The following GRXCR1 variants were observed in gnomAD, a reference collection of about 807,000 sequenced individuals.
The protein encoded by GRXCR1 is glutaredoxin domain-containing cysteine-rich protein 1.
In GRXCR1, 27 loss-of-function variants were observed where a neutral mutation model predicts 27.3. The observed-to-expected ratio is 0.99, with a 90% CI of 0.73 to 1.37. The LOEUF (loss-of-function observed/expected upper bound fraction) is 1.37, where lower values mean the gene tolerates loss of function less well. Ranked by LOEUF, GRXCR1 falls within the 40% of genes most tolerant of loss-of-function variation. GRXCR1 has a pLI of 0.00. For synonymous variants in GRXCR1, 122 were observed against 131.1 expected (o/e 0.93, Z 0.47); for missense variants, 379 against 354.4 (o/e 1.07, Z -0.56).
intron 2 of GRXCR1, among the ~76,000 whole-genome samples, chr4:42,968,961 C>G (rs1748315457): frequency 6.6e-6 from 1 of 151,992 alleles, no homozygotes; most frequent in South Asian, 2.1e-4. Flanking sequence ...TAGTGTCTGC[C>G]AAGGTGATCA....
chr4:43,001,649 G>A (rs190663322), intron 2 of GRXCR1, among the ~76,000 whole-genome samples: 5 of 152,234 alleles, frequency 3.3e-5, no homozygotes, highest in African/African-American at 1.2e-4. Flanking sequence ...GGGTGGCCCT[G>A]CCCCTCCACA....
intron 1 of GRXCR1, among the ~76,000 whole-genome samples, chr4:42,897,612 C>A (rs1198541861): frequency 1.3e-5 from 2 of 150,844 alleles, no homozygotes; most frequent in Non-Finnish European, 3.0e-5. Context: ...GTGGAAAAAC[C>A]AGTATGTTTG....
chr4:43,013,122 A>G (rs1374080415), intron 2 of GRXCR1, among the ~76,000 whole-genome samples: 2 of 152,230 alleles, frequency 1.3e-5, no homozygotes, highest in Non-Finnish European at 2.9e-5. Flanking sequence ...CAAAGAATTT[A>G]AAACAGATCT....
intron 3 of GRXCR1, among the ~76,000 whole-genome samples, chr4:43,026,085 A>G (rs1401064773): frequency 6.6e-6 from 1 of 151,964 alleles, no homozygotes; most frequent in Non-Finnish European, 1.5e-5. Flanking sequence ...TAATATTATT[A>G]GTAAAGTAGA....
intron 1 of GRXCR1, among the ~76,000 whole-genome samples, chr4:42,935,351 T>C (rs185787166): frequency 3.3e-5 from 5 of 151,750 alleles, no homozygotes; most frequent in Admixed American, 6.6e-5. Context: ...TTGAGAACTA[T>C]TGGGGGAAAT....
intron 1 of GRXCR1, among the ~76,000 whole-genome samples, chr4:42,949,795 TGAG>T (rs1463263131): frequency 2.0e-5 from 3 of 152,144 alleles, no homozygotes; most frequent in Admixed American, 6.5e-5. Flanking sequence ...CCTGGAAGCC[TGAG>T]GAGGAAATGG....
intron 1 of GRXCR1, among the ~76,000 whole-genome samples, chr4:42,902,778 C>G (rs1746490249): frequency 6.6e-6 from 1 of 152,258 alleles, no homozygotes; most frequent in South Asian, 2.1e-4. Context: ...AGCAAACCAC[C>G]ATGGCACATA....
intron 1 of GRXCR1, among the ~76,000 whole-genome samples, chr4:42,931,726 G>A (rs1747314716): frequency 6.6e-6 from 1 of 151,922 alleles, no homozygotes; most frequent in Non-Finnish European, 1.5e-5. Flanking sequence ...ATTTTTGTGT[G>A]TATGGTGAGA....
chr4:43,026,159 T>C (rs2109810314), intron 3 of GRXCR1, among the ~76,000 whole-genome samples: 1 of 152,234 alleles, frequency 6.6e-6, no homozygotes, highest in Non-Finnish European at 1.5e-5. Flanking sequence ...TCCGTGTTCT[T>C]TGGGAAATTC....
intron 1 of GRXCR1, among the ~76,000 whole-genome samples, chr4:42,910,918 G>A (rs1410295758): frequency 2.0e-5 from 3 of 152,080 alleles, no homozygotes; most frequent in African/African-American, 4.8e-5. Context: ...AACTCCAGAT[G>A]TGACTCTTTG....
At chr4:43,007,401 C>T (rs909373705) in intron 2 of GRXCR1, among the ~76,000 whole-genome samples, 1 of 152,008 alleles carries the variant, frequency 6.6e-6, no homozygotes, top group Non-Finnish European at 1.5e-5. Context: ...TGTACAGGAT[C>T]CTGTAGATCA....
At chr4:42,973,213 A>G (rs538931720) in intron 2 of GRXCR1, among the ~76,000 whole-genome samples, 5 of 152,280 alleles carry the variant, frequency 3.3e-5, no homozygotes, top group African/African-American at 1.2e-4. Context: ...CTTACTCCAC[A>G]TTGCCATGGG....
At chr4:42,907,453 C>T (rs900663235) in intron 1 of GRXCR1, among the ~76,000 whole-genome samples, 4 of 152,102 alleles carry the variant, frequency 2.6e-5, no homozygotes, top group Non-Finnish European at 5.9e-5. Context: ...TTTTAGACAC[C>T]TCTCCTCTTA....
At position 42,939,678 on chromosome 4, in the gene GRXCR1, C is replaced by T. The variant is rs375759916; in HGVS notation, c.385-23214C>T. Among the ~76,000 whole-genome samples the T allele has an allele frequency of 3.9e-4, 60 of 152,160 alleles. No individual in the cohort carries two copies. In the East Asian group the frequency reaches 0.011, roughly 28 times the overall value. ...ACCCATGCTGAGAAAGAATATTTAT[C>T]TTGTATTTCCTTCAGTTACAATTCT... is the stretch of plus-strand genomic sequence containing the variant. On this transcript the variant is annotated intron_variant, in intron 1 of 3. Coordinates refer to ENST00000399770, the MANE Select transcript of GRXCR1 (RefSeq NM_001080476.3).
At chr4:42,984,559 G>A (rs777824498) in intron 2 of GRXCR1, among the ~76,000 whole-genome samples, 82 of 152,344 alleles carry the variant, frequency 5.4e-4, no homozygotes, top group South Asian at 2.1e-4. Context: ...TCAACAGTCA[G>A]CTCCTTCAGA....
chr4:42,919,185 G>A (rs377628111), intron 1 of GRXCR1, among the ~76,000 whole-genome samples: 1 of 152,102 alleles, frequency 6.6e-6, no homozygotes, highest in Admixed American at 6.6e-5. Flanking sequence ...AGTTCTTCAG[G>A]TAATAGCAGC....
At position 42,963,099 on chromosome 4, in the gene GRXCR1, C is replaced by T. The variant is rs1277090412; in HGVS notation, c.592C>T (p.Leu198Phe). The T allele has an allele frequency of 3.1e-6, 5 of 1,612,700 alleles. No individual in the cohort carries two copies. In the African/African-American group the frequency reaches 5.3e-5, roughly 17 times the overall value. ...CCGACGAGTTTCTGAAGCTCCTTCCCTCCCTGTTGTGTTCATTGATGGCCA... is the reference window on the plus strand; with the variant it reads ...CCGACGAGTTTCTGAAGCTCCTTCCTTCCCTGTTGTGTTCATTGATGGCCA... Reference protein sequence around the residue: ...RCRRVSEAPSLPVVFIDGHYL... With the variant: ...RCRRVSEAPSFPVVFIDGHYL... The change falls in exon 2 of 4, where the codon CTC becomes TTC. Residue 198 changes from leucine (L) to phenylalanine (F), a missense_variant. By Grantham distance (22) the Leu-to-Phe change is conservative. Coordinates refer to ENST00000399770, the MANE Select transcript of GRXCR1 (RefSeq NM_001080476.3).
intron 2 of GRXCR1, among the ~76,000 whole-genome samples, chr4:42,991,897 A>T (rs1349601663): frequency 6.6e-6 from 1 of 152,100 alleles, no homozygotes; most frequent in Non-Finnish European, 1.5e-5. Flanking sequence ...ACCCACTTCT[A>T]CAAGAACAAG....
At chr4:42,911,745 G>C (rs1746726489) in intron 1 of GRXCR1, among the ~76,000 whole-genome samples, 1 of 152,102 alleles carries the variant, frequency 6.6e-6, no homozygotes, top group African/African-American at 2.4e-5. Context: ...GTAAATTGAT[G>C]CTAGTAATTA....
Sources: allele counts gnomAD v4.1 joint callset (sites outside exome capture counted in the v4.1 genomes callset), GRCh38; gene constraint gnomAD v4.1.1; transcripts MANE v1.5; gene names NCBI Gene and HGNC (gene_info 2026-07-23, HGNC 2026-07-21).